The following PCDHGA5 variants were observed in gnomAD, a reference collection of about 807,000 sequenced individuals.
PCDHGA5 encodes protocadherin gamma-A5.
Under a neutral mutation model 56.7 loss-of-function variants are expected in PCDHGA5, and 36 were observed. That is an observed-to-expected ratio of 0.64 (90% CI 0.49 to 0.84). PCDHGA5 has a LOEUF of 0.84. PCDHGA5 is among the 40% of genes least tolerant of loss of function. The probability of loss-of-function intolerance (pLI) is 0.00; values close to 1 mark genes in which losing one functional copy is unlikely to be tolerated. For synonymous variants in PCDHGA5, 563 were observed against 520.2 expected (o/e 1.08, Z -1.12); for missense variants, 1,305 against 1,201.5 (o/e 1.09, Z -1.27).
At chr5:141,374,840 GA>G in intron 1 of PCDHGA5, 1 of 1,613,796 alleles carries the variant, frequency 6.2e-7, no homozygotes, top group Non-Finnish European at 8.5e-7. Flanking sequence ...AAGTGTTCCT[GA>G]AAACCTGCCA....
Position 141,489,653 on chromosome 5 carries a change from G to C in PCDHGA5, c.2422-5154G>C. ...TCTCCTAGCTTTGCCACCCCTGAGCGAGAGATGCGCATCTCAGAATCAGCA... is the reference window on the plus strand; with the variant it reads ...TCTCCTAGCTTTGCCACCCCTGAGCCAGAGATGCGCATCTCAGAATCAGCA... On this transcript the variant is annotated intron_variant, in intron 1 of 3. Coordinates refer to ENST00000518069, the MANE Select transcript of PCDHGA5 (RefSeq NM_018918.3). The surrounding 1 kb of genome is among the most constrained non-coding windows in gnomAD (Gnocchi z 4.5). 3 of 1,614,164 alleles carry C rather than the reference G, an allele frequency of 1.9e-6. No individual in the cohort carries two copies. The highest frequency in any genetic ancestry group is 2.5e-6 in the Non-Finnish European group (3 of 1,180,018).
rs757755103 is a variant in PCDHGA5 at position 141,432,638 on chromosome 5, C to A, written c.2422-62169C>A. On this transcript the variant is annotated intron_variant, in intron 1 of 3. Coordinates refer to ENST00000518069, the MANE Select transcript of PCDHGA5 (RefSeq NM_018918.3). The surrounding 1 kb of genome is among the most constrained non-coding windows in gnomAD (Gnocchi z 6.0). ...GGTGGGTCTGCACACGGGCGAGGTG[C>A]GCACGGCGCGAGCCCTGCTGGACAG... The A allele has an allele frequency of 6.2e-6, 10 of 1,613,810 alleles. No homozygotes were observed. Among genetic ancestry groups the A allele is most frequent in the African/African-American group, 1.3e-5 (1 of 75,064 alleles).
chr5:141,404,004 C>G (rs1219625288), intron 1 of PCDHGA5: 33 of 1,613,842 alleles, frequency 2.0e-5, no homozygotes, highest in Non-Finnish European at 2.8e-5. Flanking sequence ...ACCATTACAT[C>G]TCTGTTTAGC....
chr5:141,485,982 A>G lies in PCDHGA5; in HGVS notation c.2422-8825A>G. 6.2e-7 allele frequency: 1 copy of G among 1,614,156 alleles called. No homozygotes were observed. The highest frequency in any genetic ancestry group is 8.5e-7 in the Non-Finnish European group (1 of 1,180,020). ...ATCCAGCTCAATGCCTCAGACCCGG[A>G]CCTGGGTCCCAGTGGTAACGTCACC... On this transcript the variant is annotated intron_variant, in intron 1 of 3. Coordinates refer to ENST00000518069, the MANE Select transcript of PCDHGA5 (RefSeq NM_018918.3). The surrounding 1 kb of genome is among the most constrained non-coding windows in gnomAD (Gnocchi z 5.7).
At position 141,365,093 on chromosome 5, in the gene PCDHGA5, A is replaced by G. The variant is rs528661266; in HGVS notation, c.763A>G (p.Ile255Val). Residue 255 changes from isoleucine to valine, a missense_variant, in exon 1 of 4, where the codon ATA becomes GTA. Physicochemically the swap from Ile to Val is conservative, Grantham distance 29. Transcript: ENST00000518069. Reference sequence around the variant, plus strand: ...GTACAGCGTGAGTGTTCCAGAGAACATACCTGTGGGCACTCGGCTGCTCAT... The same window carrying G: ...GTACAGCGTGAGTGTTCCAGAGAACGTACCTGTGGGCACTCGGCTGCTCAT... ...SEYSVSVPEN[I>V]PVGTRLLMLT... The G allele has an allele frequency of 6.2e-7, 1 of 1,613,880 alleles. No individual in the cohort carries two copies. Among genetic ancestry groups the G allele is most frequent in the African/African-American group, 1.3e-5 (1 of 75,062 alleles).
rs777611384 is a variant in PCDHGA5, at chr5:141,366,048, C to G, written c.1718C>G (p.Thr573Arg). ...CCCGCCCTCCCCACAGACGGTTCCA[C>G]GGGCGTGGAGCTGGCGCCTCGCTCC... ...LYPALPTDGS[T>R]GVELAPRSAE... The change falls in exon 1 of 4, where the codon ACG (threonine) becomes AGG (arginine). Residue 573 changes from threonine (T) to arginine (R), a missense_variant. Transcript: ENST00000518069. 4 of 1,614,262 alleles carry G rather than the reference C, an allele frequency of 2.5e-6. No homozygotes were observed. Among genetic ancestry groups the G allele is most frequent in the Middle Eastern group, 1.6e-4 (1 of 6,062 alleles).
chr5:141,404,278 G>T (rs780738049), intron 1 of PCDHGA5: 7 of 1,613,962 alleles, frequency 4.3e-6, no homozygotes, highest in Admixed American at 3.3e-5. Flanking sequence ...CCCTGCAAGT[G>T]ACTGACATCA....
chr5:141,421,174 C>T (rs2096550677), intron 1 of PCDHGA5: 2 of 1,378,742 alleles, frequency 1.5e-6, no homozygotes, highest in Non-Finnish European at 1.9e-6. Flanking sequence ...ATACATAAGC[C>T]GATTCACAAC....
In PCDHGA5 at chr5:141,491,778, C is replaced by T. The variant is rs568710854; in HGVS notation, c.2422-3029C>T. 3.1e-4 allele frequency: 482 copies of T among 1,547,678 alleles called. No homozygotes were observed. The highest frequency in any genetic ancestry group is 2.2e-3 in the Middle Eastern group (13 of 5,890). On this transcript the variant is annotated intron_variant, in intron 1 of 3. Transcript: ENST00000518069. This position sits in a 1 kb window ranked among gnomAD's most constrained non-coding sequence, Gnocchi z 6.9. Reference sequence around the variant, plus strand: ...CCGCCCGTCCTCATAAGGGATTGAACTTGCATCCACTCCTCTCCGGCCGGC... The same window carrying T: ...CCGCCCGTCCTCATAAGGGATTGAATTTGCATCCACTCCTCTCCGGCCGGC...
chr5:141,512,555 A>C lies in PCDHGA5; in HGVS notation c.*1382A>C, dbSNP rs1294402882. 2.6e-5 allele frequency: 4 copies of C among 152,986 alleles called. No individual in the cohort carries two copies. The highest frequency in any genetic ancestry group is 9.6e-5 in the African/African-American group (4 of 41,472). 9.5% of individuals were successfully genotyped at this position (152,986 alleles called of 1,614,324 possible). A position where few individuals can be genotyped will look rare whatever the true frequency, so the allele number is the denominator to read the frequency against. ...AGTTCCCCAGTGCCTCCTTGTGCAT[A>C]GACCTTCTTCTCCCACCCCCTTCTG... On this transcript the variant is annotated 3_prime_UTR_variant, in exon 4 of 4. Transcript: ENST00000518069.
At position 141,431,367 on chromosome 5, in the gene PCDHGA5, A is replaced by G; in HGVS notation, c.2422-63440A>G. 1.2e-6 allele frequency: 2 copies of G among 1,613,984 alleles called. No homozygotes were observed. The highest frequency in any genetic ancestry group is 2.2e-5 in the South Asian group (2 of 91,084). On this transcript the variant is annotated intron_variant, in intron 1 of 3. Coordinates refer to ENST00000518069, the MANE Select transcript of PCDHGA5 (RefSeq NM_018918.3). This position sits in a 1 kb window ranked among gnomAD's most constrained non-coding sequence, Gnocchi z 4.8. ...GTGCTGAAACGCGCCCTGGACCGCGAAGAAAAGGCTGCTCACCACCTGGTC... is the reference window on the plus strand; with the variant it reads ...GTGCTGAAACGCGCCCTGGACCGCGGAGAAAAGGCTGCTCACCACCTGGTC...
intron 1 of PCDHGA5, among the ~76,000 whole-genome samples, chr5:141,425,689 A>C (rs887583603): frequency 6.6e-6 from 1 of 152,232 alleles, no homozygotes; most frequent in African/African-American, 2.4e-5. Flanking sequence ...ACTGCATATC[A>C]TTTCATAGTG....
rs753954982 is a variant in PCDHGA5 at position 141,478,158 on chromosome 5, C to A, written c.2422-16649C>A. 9 of 1,613,936 alleles carry A rather than the reference C, an allele frequency of 5.6e-6. No individual in the cohort carries two copies. In the African/African-American group the frequency reaches 1.2e-4, roughly 22 times the overall value. On this transcript the variant is annotated intron_variant, in intron 1 of 3. Transcript: ENST00000518069. ...GCCCGAGCCGAGTTCCCCTCTGGCT[C>A]TGCCCCCCGGGAGCAGAAAAAAAAT...
At chr5:141,422,126 GAGA>G (rs767100115) in intron 1 of PCDHGA5, 2 of 1,601,210 alleles carry the variant, frequency 1.2e-6, no homozygotes, top group South Asian at 2.3e-5. Context: ...TCACAAACTG[GAGA>G]AGTTCAAGTA....
At position 141,476,387 on chromosome 5, in the gene PCDHGA5, C is replaced by T. The variant is rs147660262; in HGVS notation, c.2422-18420C>T. The T allele has an allele frequency of 6.2e-6, 10 of 1,613,958 alleles. No homozygotes were observed. Among genetic ancestry groups the T allele is most frequent in the Non-Finnish European group, 7.6e-6 (9 of 1,180,032 alleles). ...GACCGGAGAGATGTTTGTGAACGAC[C>T]GTCTGGATCGAGAGGAGCTGTGTGG... On this transcript the variant is annotated intron_variant, in intron 1 of 3. Coordinates refer to ENST00000518069, the MANE Select transcript of PCDHGA5 (RefSeq NM_018918.3). This position sits in a 1 kb window ranked among gnomAD's most constrained non-coding sequence, Gnocchi z 7.6.
intron 1 of PCDHGA5, chr5:141,383,924 A>G: frequency 1.2e-6 from 2 of 1,613,950 alleles, no homozygotes; most frequent in Non-Finnish European, 1.7e-6. Context: ...GATGTAAATG[A>G]TAATGCTCCA....
intron 1 of PCDHGA5, chr5:141,384,918 C>T: frequency 6.2e-7 from 1 of 1,613,954 alleles, no homozygotes; most frequent in South Asian, 1.1e-5. Context: ...AAGTCTTGGC[C>T]GACCTGGGCA....
chr5:141,454,990 T>C (rs548911982), intron 1 of PCDHGA5, among the ~76,000 whole-genome samples: 1 of 151,490 alleles, frequency 6.6e-6, no homozygotes, highest in African/African-American at 2.4e-5. Context: ...TAAAAAATAT[T>C]TTTAGTAGAG....
intron 1 of PCDHGA5, chr5:141,375,949 C>A: frequency 6.2e-7 from 1 of 1,613,568 alleles, no homozygotes; most frequent in Non-Finnish European, 8.5e-7. Flanking sequence ...TGGGCCTGCA[C>A]ACGGGCGAGG....
Sources: gnomAD v4.1 joint callset for allele counts (sites outside exome capture counted in the v4.1 genomes callset) on GRCh38, gnomAD v4.1.1 for gene constraint, Gnocchi (gnomAD v3.1) non-coding constraint, MANE v1.5 for transcripts, NCBI Gene and HGNC (gene_info 2026-07-23, HGNC 2026-07-21) for gene names.